PPP2R2B: variants seen among roughly 807,000 people sequenced by gnomAD.
PPP2R2B encodes serine/threonine-protein phosphatase 2A 55 kDa regulatory subunit B beta isoform.
Under a neutral mutation model 46.0 loss-of-function variants are expected in PPP2R2B, and 5 were observed. The ratio of observed to expected loss-of-function variants is 0.11; its 90% CI spans 0.06 to 0.23. PPP2R2B has a LOEUF of 0.23. PPP2R2B is among the 10% of genes least tolerant of loss of function. The pLI is 1.00. For missense variants in PPP2R2B, 367 were observed against 575.0 expected (o/e 0.64, Z 3.70); for synonymous variants, 215 against 206.7 (o/e 1.04, Z -0.34).
chr5:146,859,135 A>G (rs1343887473), intron 2 of PPP2R2B, among the ~76,000 whole-genome samples: 2 of 152,214 alleles, frequency 1.3e-5, no homozygotes, highest in Non-Finnish European at 2.9e-5. Context: ...TTTCTCCACC[A>G]TAAACTAGGT....
At position 146,772,075 on chromosome 5, in the gene PPP2R2B, A is replaced by T. The variant is rs573876501; in HGVS notation, c.71-70933T>A. ...ATTGGAAACAACCTGAATTACATCT[A>T]CAGGAAAATGGTAAAGCAAATTCTG... is the stretch of plus-strand genomic sequence containing the variant. On this transcript the variant is annotated intron_variant, in intron 2 of 9. Transcript: ENST00000394411. 2.5e-4 allele frequency among the ~76,000 whole-genome samples: 38 copies of T among 152,276 alleles called. No individual in the cohort carries two copies. In the South Asian group the frequency reaches 3.7e-3, roughly 15 times the overall value.
chr5:146,606,564 A>C (rs1275949943), intron 7 of PPP2R2B, among the ~76,000 whole-genome samples: 2 of 152,218 alleles, frequency 1.3e-5, no homozygotes, highest in East Asian at 1.9e-4. Context: ...TCACTTAGCA[A>C]AGCGTCTGTA....
chr5:146,857,529 A>G (rs1381636140), intron 2 of PPP2R2B, among the ~76,000 whole-genome samples: 1 of 152,202 alleles, frequency 6.6e-6, no homozygotes, highest in Admixed American at 6.5e-5. Flanking sequence ...AAAAGAATCC[A>G]ACCTAACAGA....
intron 2 of PPP2R2B, among the ~76,000 whole-genome samples, chr5:146,836,461 G>A (rs142855014): frequency 4.0e-4 from 61 of 152,266 alleles, no homozygotes; most frequent in African/African-American, 1.4e-3. Flanking sequence ...AAATTGCAAC[G>A]AACTGGACTC....
At chr5:146,794,963 T>C (rs1010056959) in intron 2 of PPP2R2B, among the ~76,000 whole-genome samples, 2 of 152,166 alleles carry the variant, frequency 1.3e-5, no homozygotes, top group South Asian at 2.1e-4. Context: ...TCCTGCCCCC[T>C]ATTTTTTTTG....
upstream of PPP2R2B, among the ~76,000 whole-genome samples, chr5:146,881,480 A>G (rs1015392607): frequency 6.6e-6 from 1 of 152,044 alleles, no homozygotes; most frequent in Non-Finnish European, 1.5e-5. Context: ...TGACACGATC[A>G]AGGCTCACTG....
intron 2 of PPP2R2B, among the ~76,000 whole-genome samples, chr5:146,708,928 C>T (rs1780060802): frequency 6.6e-6 from 1 of 152,126 alleles, no homozygotes; most frequent in African/African-American, 2.4e-5. Context: ...AGTAGCGTTA[C>T]CTTCTTAACT....
chr5:147,075,805 C>T (rs1339605308), intron 2 of PPP2R2B, among the ~76,000 whole-genome samples: 5 of 152,114 alleles, frequency 3.3e-5, no homozygotes, highest in African/African-American at 1.2e-4. Context: ...ACCTTCTCCA[C>T]TCTAATAAAG....
At chr5:146,970,925 A>T (rs1752635067) in intron 1 of PPP2R2B, among the ~76,000 whole-genome samples, 1 of 152,200 alleles carries the variant, frequency 6.6e-6, no homozygotes, top group African/African-American at 2.4e-5. Flanking sequence ...GCTATCTAGA[A>T]ATAATTGTGG....
chr5:146,691,273 T>C (rs780320171), intron 4 of PPP2R2B, 33 bp from the exon 5 acceptor site: 12 of 1,586,948 alleles, frequency 7.6e-6, no homozygotes, highest in East Asian at 4.5e-5. Context: ...GTCAGAATTA[T>C]AGTGAAAAGC....
At chr5:146,825,793 C>T (rs1198682163) in intron 2 of PPP2R2B, among the ~76,000 whole-genome samples, 2 of 152,220 alleles carry the variant, frequency 1.3e-5, no homozygotes, top group South Asian at 2.1e-4. Context: ...CTGTGACATG[C>T]TATGACAGTG....
intron 4 of PPP2R2B, among the ~76,000 whole-genome samples, chr5:146,692,347 T>C (rs1245691611): frequency 6.6e-6 from 1 of 152,100 alleles, no homozygotes; most frequent in Non-Finnish European, 1.5e-5. Flanking sequence ...CCAGCACTTT[T>C]TACAACTTGA....
At chr5:146,704,218 C>G (rs1779701078) in intron 2 of PPP2R2B, among the ~76,000 whole-genome samples, 1 of 152,184 alleles carries the variant, frequency 6.6e-6, no homozygotes, top group Non-Finnish European at 1.5e-5. Flanking sequence ...ACTGAAACTT[C>G]TGATACAAAT....
intron 2 of PPP2R2B, among the ~76,000 whole-genome samples, chr5:146,791,085 G>A (rs1756169566): frequency 6.6e-6 from 1 of 152,164 alleles, no homozygotes; most frequent in African/African-American, 2.4e-5. Flanking sequence ...ACTATGCCCA[G>A]TCACCTATCT....
rs72823280 is a variant in PPP2R2B at position 146,809,617 on chromosome 5, G to A, written c.70+68385C>T. Among the ~76,000 whole-genome samples the A allele has an allele frequency of 2.2e-3, 334 of 152,308 alleles. 2 individuals are homozygous for A. The South Asian group carries it at 0.032, about 15-fold the overall frequency. The stretch of plus-strand genomic sequence containing the variant: ...GGAAGGACGAAGCAGCTAGCCTGCA[G>A]CCAGAGCTTAGTAAGCAAGGAGTGG... On this transcript the variant is annotated intron_variant, in intron 2 of 9. Transcript: ENST00000394411.
chr5:146,980,384 A>G (rs1005272692), intron 1 of PPP2R2B, among the ~76,000 whole-genome samples: 2 of 152,186 alleles, frequency 1.3e-5, no homozygotes, highest in Non-Finnish European at 2.9e-5. Context: ...ATTCTTTTTA[A>G]TACTTGAACC....
intron 1 of PPP2R2B, among the ~76,000 whole-genome samples, chr5:146,886,874 A>T (rs1009822985): frequency 2.0e-5 from 3 of 151,916 alleles, no homozygotes; most frequent in African/African-American, 7.2e-5. Flanking sequence ...ACTTTATAGG[A>T]TGAAACTTGT....
intron 2 of PPP2R2B, among the ~76,000 whole-genome samples, chr5:146,785,810 C>A (rs1463130220): frequency 1.3e-5 from 2 of 151,966 alleles, no homozygotes; most frequent in Non-Finnish European, 2.9e-5. Flanking sequence ...CTCACTGATA[C>A]ATGGGAGCTA....
intron 1 of PPP2R2B, among the ~76,000 whole-genome samples, chr5:146,986,169 A>G (rs1753420846): frequency 6.6e-6 from 1 of 152,188 alleles, no homozygotes; most frequent in South Asian, 2.1e-4. Context: ...GCTCCCCCAA[A>G]CTTGGGCAGT....
Sources: gnomAD v4.1 joint callset for allele counts (sites outside exome capture counted in the v4.1 genomes callset) on GRCh38, gnomAD v4.1.1 for gene constraint, MANE v1.5 for transcripts, NCBI Gene and HGNC (gene_info 2026-07-23, HGNC 2026-07-21) for gene names.